NRXN3: variants seen among roughly 807,000 people sequenced by gnomAD.
The protein encoded by NRXN3 is neurexin 3.
In NRXN3, 32 loss-of-function variants were observed where a neutral mutation model predicts 137.6. That is an observed-to-expected ratio of 0.23 (90% CI 0.18 to 0.31). NRXN3 has a LOEUF of 0.31. Among genes scored for constraint, NRXN3 ranks in the 10% least tolerant of loss-of-function variants. NRXN3 has a pLI of 1.00. For missense variants in NRXN3, 1,574 were observed against 2,062.5 expected, an observed-to-expected ratio of 0.76 and a Z score of 4.59; for synonymous variants, 798 against 784.5, an observed-to-expected ratio of 1.02 and a Z score of -0.29.
At chr14:79,124,668 T>C (rs1400647786) in intron 15 of NRXN3, among the ~76,000 whole-genome samples, 3 of 152,162 alleles carry the variant, frequency 2.0e-5, no homozygotes, top group Non-Finnish European at 2.9e-5. Context: ...AAACAGGGAC[T>C]CTTAGGGGAT....
At chr14:78,504,391 G>A (rs1302553509) in intron 4 of NRXN3, among the ~76,000 whole-genome samples, 1 of 152,158 alleles carries the variant, frequency 6.6e-6, no homozygotes. Flanking sequence ...CTTTCTGAAG[G>A]ATGACTTGTT....
intron 15 of NRXN3, among the ~76,000 whole-genome samples, chr14:79,417,535 A>G (rs1469529509): frequency 6.6e-6 from 1 of 152,056 alleles, no homozygotes; most frequent in Non-Finnish European, 1.5e-5. Context: ...TGGCTTCTAG[A>G]TGCTTCTTTG....
chr14:79,469,785 C>T (rs571025037), intron 16 of NRXN3, among the ~76,000 whole-genome samples: 112 of 152,264 alleles, frequency 7.4e-4, no homozygotes, highest in African/African-American at 2.6e-3. Flanking sequence ...TCATGGCCCT[C>T]TCGAGCACCA....
Position 78,601,514 on chromosome 14 carries a change from A to G in NRXN3, c.758-43606A>G, listed in dbSNP as rs1453088603. ...GTTGCCCAGGCTGGAGTGCAGTGGC[A>G]TGATCTCGGCTCACTGCAAGCTCCG... is the stretch of plus-strand genomic sequence containing the variant. On this transcript the variant is annotated intron_variant, in intron 4 of 20. Transcript: ENST00000335750. Among the ~76,000 whole-genome samples the G allele has an allele frequency of 4.0e-5, 6 of 150,868 alleles. 1 individual carries two copies. The East Asian group carries it at 5.9e-4, about 15-fold the overall frequency.
At chr14:78,967,179 T>G in intron 12 of NRXN3, 29 bp from the exon 13 acceptor site, 2 of 1,552,706 alleles carry the variant, frequency 1.3e-6, no homozygotes, top group Non-Finnish European at 1.7e-6. Context: ...GATTTTCCAA[T>G]TATTGTTTTT....
intron 16 of NRXN3, among the ~76,000 whole-genome samples, chr14:79,638,614 AT>A (rs574288066): frequency 6.7e-6 from 1 of 149,704 alleles, no homozygotes; most frequent in Admixed American, 6.6e-5. Flanking sequence ...ATAAAAACAT[AT>A]TTTTTTATCT....
intron 10 of NRXN3, among the ~76,000 whole-genome samples, chr14:78,914,360 G>T (rs144535516): frequency 3.5e-4 from 53 of 152,332 alleles, no homozygotes; most frequent in African/African-American, 1.2e-3. Flanking sequence ...TCTAATGGAG[G>T]ATATAGACAG....
chr14:79,765,841 T>C (rs2099054125), intron 19 of NRXN3, among the ~76,000 whole-genome samples: 1 of 152,214 alleles, frequency 6.6e-6, no homozygotes, highest in Admixed American at 6.5e-5. Context: ...CTTCCACTAC[T>C]TTTTACATTC....
rs943616302 is a variant in NRXN3, at chr14:79,186,201, C to T, written c.3262+198060C>T. 3.3e-5 allele frequency among the ~76,000 whole-genome samples: 5 copies of T among 151,650 alleles called. No homozygotes were observed. In the South Asian group the frequency reaches 1.0e-3, roughly 32 times the overall value. On this transcript the variant is annotated intron_variant, in intron 15 of 20. Transcript: ENST00000335750. ...ATTCCATTCCATGTTAATGGTTCAACATGAAATAGAATTGCATCCAAACAA... is the reference window on the plus strand; with the variant it reads ...ATTCCATTCCATGTTAATGGTTCAATATGAAATAGAATTGCATCCAAACAA...
intron 10 of NRXN3, among the ~76,000 whole-genome samples, chr14:78,842,123 GC>G (rs2099014211): frequency 6.6e-6 from 1 of 152,000 alleles, no homozygotes; most frequent in Non-Finnish European, 1.5e-5. Context: ...AATTTCTTGT[GC>G]CTCCTATAAG....
intron 2 of NRXN3, among the ~76,000 whole-genome samples, chr14:78,268,978 A>G (rs927930231): frequency 3.9e-5 from 6 of 152,194 alleles, no homozygotes; most frequent in Non-Finnish European, 8.8e-5. Flanking sequence ...GCTAACAAGG[A>G]ATTGCCCCTC....
chr14:79,714,226 T>C (rs2098815941), intron 19 of NRXN3, among the ~76,000 whole-genome samples: 2 of 152,196 alleles, frequency 1.3e-5, no homozygotes, highest in Admixed American at 1.3e-4. Flanking sequence ...ACAATTCCAA[T>C]AGGAATTATA....
intron 10 of NRXN3, among the ~76,000 whole-genome samples, chr14:78,926,736 AATATATATTATATATTATATATATATT>A (rs1343740655): frequency 2.9e-5 from 2 of 68,656 alleles, no homozygotes; most frequent in Non-Finnish European, 4.8e-5. Flanking sequence ...TATAATATAA[AATATATATTATATATTATATATATATT>A]ATATATATTA....
chr14:78,225,832 A>G (rs567476543), intron 1 of NRXN3, among the ~76,000 whole-genome samples: 2 of 151,884 alleles, frequency 1.3e-5, no homozygotes, highest in East Asian at 3.9e-4. Flanking sequence ...TCTTTAATCT[A>G]TCACCTCCCC....
At chr14:78,834,071 C>G (rs1453622696) in intron 10 of NRXN3, among the ~76,000 whole-genome samples, 1 of 151,966 alleles carries the variant, frequency 6.6e-6, no homozygotes. Flanking sequence ...GTTTGCAGGA[C>G]AGAAAGAATG....
intron 15 of NRXN3, among the ~76,000 whole-genome samples, chr14:79,461,388 A>T (rs948985376): frequency 3.9e-5 from 6 of 152,176 alleles, no homozygotes; most frequent in Non-Finnish European, 7.3e-5. Flanking sequence ...CAGATGAGAC[A>T]CTCCAAAAGA....
At chr14:78,282,141 C>T (rs764484331) in intron 3 of NRXN3, 1 of 502,814 alleles carries the variant, frequency 2.0e-6, no homozygotes, top group East Asian at 5.6e-5. Context: ...CTGGCAGGGA[C>T]CCCTGTCAGG....
chr14:78,324,530 A>G (rs1346305428), intron 4 of NRXN3, among the ~76,000 whole-genome samples: 1 of 152,142 alleles, frequency 6.6e-6, no homozygotes, highest in Non-Finnish European at 1.5e-5. Flanking sequence ...ATTCTGAAGT[A>G]TAAATAACAA....
At chr14:78,314,547 C>A (rs2078330556) in intron 4 of NRXN3, among the ~76,000 whole-genome samples, 1 of 152,170 alleles carries the variant, frequency 6.6e-6, no homozygotes, top group Non-Finnish European at 1.5e-5. Flanking sequence ...TCCTAAAGGG[C>A]CATGCCTGGA....
Sources: allele counts gnomAD v4.1 joint callset (sites outside exome capture counted in the v4.1 genomes callset), GRCh38; gene constraint gnomAD v4.1.1; transcripts MANE v1.5; gene names NCBI Gene and HGNC (gene_info 2026-07-23, HGNC 2026-07-21).